Variants in WDPCP observed in about 807,000 individuals in gnomAD.
WDPCP encodes WD repeat containing planar cell polarity effector.
WDPCP carries 71 observed loss-of-function variants against 93.1 expected under a neutral mutation model. The ratio of observed to expected loss-of-function variants is 0.76; its 90% CI spans 0.63 to 0.93. The LOEUF (loss-of-function observed/expected upper bound fraction) is 0.93. WDPCP is among the 40% of genes least tolerant of loss of function. The pLI is 0.00. For missense variants in WDPCP, 844 were observed against 887.4 expected (o/e 0.95, Z 0.62); for synonymous variants, 315 against 315.0 (o/e 1.00, Z 0.00).
intron 2 of WDPCP, among the ~76,000 whole-genome samples, chr2:63,811,810 T>G (rs1178174858): frequency 2.0e-5 from 3 of 152,130 alleles, no homozygotes; most frequent in African/African-American, 7.2e-5. Context: ...CATCTTTGTG[T>G]TCATGTGTAC....
intron 2 of WDPCP, among the ~76,000 whole-genome samples, chr2:63,687,862 G>A (rs1668831957): frequency 6.6e-6 from 1 of 152,160 alleles, no homozygotes; most frequent in Admixed American, 6.5e-5. Flanking sequence ...AGGAAATCAT[G>A]ATATCGAAGA....
At chr2:63,702,702 TA>T (rs1228209695) in intron 2 of WDPCP, among the ~76,000 whole-genome samples, 1 of 141,712 alleles carries the variant, frequency 7.1e-6, no homozygotes, top group Non-Finnish European at 1.6e-5. Flanking sequence ...CACATCCAGC[TA>T]ATTTTTTTTT....
At chr2:63,291,010 T>C (rs1011210658) in intron 13 of WDPCP, among the ~76,000 whole-genome samples, 3 of 152,192 alleles carry the variant, frequency 2.0e-5, no homozygotes, top group Admixed American at 1.3e-4. Flanking sequence ...TATTTTAGAC[T>C]ATTTGATTTT....
chr2:63,161,240 A>G (rs553781006), intron 15 of WDPCP, among the ~76,000 whole-genome samples: 48 of 152,356 alleles, frequency 3.2e-4, no homozygotes, highest in African/African-American at 1.2e-3. Context: ...TCAGTTGTGC[A>G]GGAAACACCA....
chr2:63,618,493 T>A (rs1407712466), intron 3 of WDPCP, among the ~76,000 whole-genome samples: 1 of 152,206 alleles, frequency 6.6e-6, no homozygotes, highest in Admixed American at 6.5e-5. Context: ...TTACTGCAAT[T>A]GTGAAATGAT....
At chr2:63,630,408 A>G (rs1709852710) in intron 3 of WDPCP, among the ~76,000 whole-genome samples, 1 of 152,206 alleles carries the variant, frequency 6.6e-6, no homozygotes, top group Admixed American at 6.5e-5. Context: ...AAATATAATG[A>G]TAGAGACAGG....
chr2:63,263,494 C>T (rs574082033), intron 13 of WDPCP, among the ~76,000 whole-genome samples: 79 of 152,280 alleles, frequency 5.2e-4, no homozygotes, highest in African/African-American at 1.8e-3. Flanking sequence ...GCCGTCTACC[C>T]TTCACCATGG....
intron 12 of WDPCP, among the ~76,000 whole-genome samples, chr2:63,332,768 T>C (rs1688074373): frequency 2.0e-5 from 3 of 152,144 alleles, no homozygotes; most frequent in African/African-American, 7.2e-5. Flanking sequence ...TTTTATTCTT[T>C]ATTTTTTCCT....
intron 1 of WDPCP, among the ~76,000 whole-genome samples, chr2:63,508,783 C>T (rs527389182): frequency 1.3e-5 from 2 of 152,192 alleles, no homozygotes; most frequent in African/African-American, 4.8e-5. Flanking sequence ...GGTTGCAATC[C>T]TAGTCTCTGA....
intron 12 of WDPCP, among the ~76,000 whole-genome samples, chr2:63,334,826 C>T (rs553533477): frequency 1.9e-5 from 1 of 52,000 alleles, no homozygotes; most frequent in Non-Finnish European, 3.0e-5. Flanking sequence ...CTAAATAGGA[C>T]AGATACAAAG....
At chr2:63,177,081 A>G (rs548057075) in intron 14 of WDPCP, among the ~76,000 whole-genome samples, 11 of 152,278 alleles carry the variant, frequency 7.2e-5, no homozygotes, top group African/African-American at 2.4e-4. Context: ...AATGGTTTAT[A>G]TCTGGGCTCT....
intron 2 of WDPCP, among the ~76,000 whole-genome samples, chr2:63,712,364 A>G (rs572651394): frequency 3.9e-5 from 6 of 152,348 alleles, no homozygotes; most frequent in African/African-American, 1.4e-4. Flanking sequence ...AAGTAGCAAT[A>G]TATTCAGTGT....
At chr2:63,594,662 A>G (rs557928857) in intron 3 of WDPCP, 23 of 1,040,738 alleles carry the variant, frequency 2.2e-5, no homozygotes, top group Non-Finnish European at 3.4e-5. Flanking sequence ...TTAGTTGTAC[A>G]CAAATTGTTA....
chr2:63,302,048 G>A (rs920563484), intron 13 of WDPCP, among the ~76,000 whole-genome samples: 1 of 152,174 alleles, frequency 6.6e-6, no homozygotes, highest in African/African-American at 2.4e-5. Context: ...CAACTTCGAA[G>A]GGAACCACCT....
intron 3 of WDPCP, among the ~76,000 whole-genome samples, chr2:63,633,428 A>G (rs1255223260): frequency 6.6e-6 from 1 of 152,238 alleles, no homozygotes; most frequent in East Asian, 1.9e-4. Flanking sequence ...AAAAACAAAA[A>G]ATGTAAATTA....
chr2:63,306,050 T>G lies in WDPCP; in HGVS notation c.1812+7198A>C, dbSNP rs564984504. Among the ~76,000 whole-genome samples the G allele has an allele frequency of 5.3e-5, 8 of 152,170 alleles. No individual in the cohort carries two copies. In the East Asian group the frequency reaches 1.4e-3, roughly 26 times the overall value. The stretch of plus-strand genomic sequence containing the variant: ...ATCAAATAGACACAATAAAAAATGA[T>G]AAAGGGGATACCACCAATGATCACA... On this transcript the variant is annotated intron_variant, in intron 13 of 17. Coordinates refer to ENST00000272321, the MANE Select transcript of WDPCP (RefSeq NM_015910.7).
chr2:63,733,428 T>G (rs1043020224), intron 2 of WDPCP, among the ~76,000 whole-genome samples: 2 of 151,086 alleles, frequency 1.3e-5, no homozygotes, highest in African/African-American at 4.9e-5. Context: ...GGTCTCGATC[T>G]CCTGACCTCA....
At chr2:63,513,735 A>G (rs1702384448) in intron 1 of WDPCP, among the ~76,000 whole-genome samples, 1 of 152,166 alleles carries the variant, frequency 6.6e-6, no homozygotes, top group East Asian at 1.9e-4. Flanking sequence ...CTGAACAGAC[A>G]AGCCTTGCTG....
chr2:63,636,871 C>T (rs574584832), intron 3 of WDPCP, among the ~76,000 whole-genome samples: 2 of 152,202 alleles, frequency 1.3e-5, no homozygotes, highest in South Asian at 2.1e-4. Context: ...TATCCACATG[C>T]AAGGAAATGA....
Sources: gnomAD v4.1 joint callset for allele counts (sites outside exome capture counted in the v4.1 genomes callset) on GRCh38, gnomAD v4.1.1 for gene constraint, MANE v1.5 for transcripts, NCBI Gene and HGNC (gene_info 2026-07-23, HGNC 2026-07-21) for gene names.